Variants in RBFOX1 observed in about 807,000 individuals in gnomAD.
The protein encoded by RBFOX1 is RNA binding protein fox-1 homolog 1.
A neutral mutation model predicts 57.7 loss-of-function variants in RBFOX1; 8 were observed. The ratio of observed to expected loss-of-function variants is 0.14; its 90% CI spans 0.08 to 0.25. The LOEUF is 0.25. Among genes scored for constraint, RBFOX1 ranks in the 10% least tolerant of loss-of-function variants. RBFOX1 has a pLI of 1.00. For synonymous variants in RBFOX1, 326 were observed against 222.4 expected (o/e 1.47, Z -4.15); for missense variants, 611 against 548.5 (o/e 1.11, Z -1.14).
chr16:6,228,583 A>G (rs1032084085), intron 1 of RBFOX1, among the ~76,000 whole-genome samples: 2 of 152,208 alleles, frequency 1.3e-5, no homozygotes, highest in Admixed American at 1.3e-4. Context: ...ATGCTGCATT[A>G]TCTAACTTAT....
chr16:6,613,032 TG>T (rs2098088584), intron 2 of RBFOX1, among the ~76,000 whole-genome samples: 1 of 144,488 alleles, frequency 6.9e-6, no homozygotes, highest in Admixed American at 6.8e-5. Context: ...TGTGTGTGTG[TG>T]TGTGTGTGTG....
chr16:5,486,659 C>T (rs1364993821), intron 2 of RBFOX1, among the ~76,000 whole-genome samples: 2 of 152,174 alleles, frequency 1.3e-5, no homozygotes, highest in East Asian at 3.8e-4. Context: ...CATCAGGTCT[C>T]AGTCTTGTGC....
At chr16:5,467,074 T>C (rs2068974959) in intron 1 of RBFOX1, 3 of 1,005,794 alleles carry the variant, frequency 3.0e-6, no homozygotes, top group Non-Finnish European at 4.2e-6. Flanking sequence ...ATGTTAGGCA[T>C]TTAATGGACG....
chr16:5,373,022 A>G (rs1275215638), intron 1 of RBFOX1, among the ~76,000 whole-genome samples: 1 of 152,248 alleles, frequency 6.6e-6, no homozygotes, highest in Non-Finnish European at 1.5e-5. Flanking sequence ...TTCAGAATTT[A>G]AAGAAATAGC....
intron 1 of RBFOX1, among the ~76,000 whole-genome samples, chr16:6,192,917 G>C (rs2097151037): frequency 6.6e-6 from 1 of 152,140 alleles, no homozygotes; most frequent in Admixed American, 6.6e-5. Context: ...AGCACTCTTT[G>C]AGTGATATAT....
At chr16:6,705,821 C>T (rs1031548786) in intron 3 of RBFOX1, among the ~76,000 whole-genome samples, 1 of 152,068 alleles carries the variant, frequency 6.6e-6, no homozygotes, top group Admixed American at 6.6e-5. Flanking sequence ...AGTCCAAGAC[C>T]ATCCTGGCTA....
At position 7,013,147 on chromosome 16, in the gene RBFOX1, T is replaced by C. The variant is rs548224044; in HGVS notation, c.-15-38910T>C. On this transcript the variant is annotated intron_variant, in intron 3 of 15. Coordinates refer to ENST00000550418, the MANE Select transcript of RBFOX1 (RefSeq NM_018723.4). ...TAGACTGAGGGTTAGGGATTTCACA[T>C]ACAAATTTGTGGTGTAATGCTCTGA... Among the ~76,000 whole-genome samples the C allele has an allele frequency of 3.1e-4, 47 of 152,318 alleles. 1 individual carries two copies. Among genetic ancestry groups the C allele is most frequent in the African/African-American group, 1.1e-3 (46 of 41,584 alleles).
chr16:6,904,617 A>G (rs12933936), intron 3 of RBFOX1, among the ~76,000 whole-genome samples: 27,354 of 142,802 alleles, frequency 0.19, 3,094 homozygotes, highest in East Asian at 0.28. Flanking sequence ...AAAAAAAAAA[A>G]AAAAAAAAAA....
At chr16:7,024,466 C>T (rs1404789698) in intron 3 of RBFOX1, among the ~76,000 whole-genome samples, 1 of 151,984 alleles carries the variant, frequency 6.6e-6, no homozygotes, top group African/African-American at 2.4e-5. Context: ...TAATCCATAG[C>T]TTCTCTCTCA....
At chr16:6,415,179 G>C (rs2093587058) in intron 2 of RBFOX1, among the ~76,000 whole-genome samples, 1 of 148,422 alleles carries the variant, frequency 6.7e-6, no homozygotes, top group Admixed American at 6.8e-5. Context: ...GGAGTCGGAG[G>C]TTGCAGTGAG....
At chr16:5,497,050 A>G (rs904466597) in intron 2 of RBFOX1, among the ~76,000 whole-genome samples, 1 of 152,098 alleles carries the variant, frequency 6.6e-6, no homozygotes, top group African/African-American at 2.4e-5. Context: ...TTTTACTTTC[A>G]CAATCGTTTT....
Position 5,841,107 on chromosome 16 carries a change from G to A in RBFOX1, c.319-26196G>A, listed in dbSNP as rs552879122. Among the ~76,000 whole-genome samples the A allele has an allele frequency of 5.9e-5, 9 of 152,258 alleles. No homozygotes were observed. In the South Asian group the frequency reaches 1.0e-3, roughly 18 times the overall value. On this transcript the variant is annotated intron_variant, in intron 3 of 19. Transcript: ENST00000641259. ...AATAACCGTGGTGAATACTAATGTC[G>A]ATTGAGTGATTTCCTGGCATTGCGT... is the stretch of plus-strand genomic sequence containing the variant.
intron 2 of RBFOX1, chr16:6,483,290 CT>C: frequency 7.2e-7 from 1 of 1,386,122 alleles, no homozygotes; most frequent in Non-Finnish European, 9.3e-7. Flanking sequence ...CTTGCACGGG[CT>C]GCTCGCTCTC....
At chr16:5,950,099 C>G (rs971504563) in intron 4 of RBFOX1, among the ~76,000 whole-genome samples, 1 of 152,226 alleles carries the variant, frequency 6.6e-6, no homozygotes, top group Non-Finnish European at 1.5e-5. Context: ...GTCCTCCAGT[C>G]TTCTGCAATG....
chr16:6,886,737 C>A (rs980434886), intron 3 of RBFOX1, among the ~76,000 whole-genome samples: 2 of 142,876 alleles, frequency 1.4e-5, no homozygotes, highest in Non-Finnish European at 1.5e-5. Flanking sequence ...CGTGGGCAAG[C>A]AAGTGAGACT....
At chr16:6,699,159 CT>C (rs535711291) in intron 3 of RBFOX1, among the ~76,000 whole-genome samples, 3 of 152,140 alleles carry the variant, frequency 2.0e-5, no homozygotes, top group Non-Finnish European at 2.9e-5. Flanking sequence ...CCAGGCACCC[CT>C]GTCATGTCAG....
At chr16:6,503,856 C>T (rs150573493) in intron 2 of RBFOX1, among the ~76,000 whole-genome samples, 18 of 152,280 alleles carry the variant, frequency 1.2e-4, no homozygotes, top group African/African-American at 4.3e-4. Context: ...TTGTTTGCAT[C>T]TACCCAGGCC....
intron 4 of RBFOX1, among the ~76,000 whole-genome samples, chr16:5,879,032 C>A (rs2057693595): frequency 6.6e-6 from 1 of 152,192 alleles, no homozygotes; most frequent in Admixed American, 6.5e-5. Context: ...GCAGCACAGG[C>A]AAGAATTCTG....
chr16:7,561,567 T>C (rs1251537438), intron 5 of RBFOX1, among the ~76,000 whole-genome samples: 1 of 152,246 alleles, frequency 6.6e-6, no homozygotes, highest in Non-Finnish European at 1.5e-5. Flanking sequence ...TGTCAAATTT[T>C]TGTTCAGAGA....
Sources: allele counts gnomAD v4.1 joint callset (sites outside exome capture counted in the v4.1 genomes callset), GRCh38; gene constraint gnomAD v4.1.1; transcripts MANE v1.5; gene names NCBI Gene and HGNC (gene_info 2026-07-23, HGNC 2026-07-21).